The following CES5A variants were observed in gnomAD, a reference collection of about 807,000 sequenced individuals.
The protein encoded by CES5A is carboxylesterase 5A.
CES5A carries 67 observed loss-of-function variants against 62.9 expected under a neutral mutation model. That is an observed-to-expected ratio of 1.07 (90% confidence interval 0.88 to 1.31). CES5A has a LOEUF of 1.31. CES5A is among the 50% of genes most tolerant of loss of function. The pLI, the probability that CES5A is intolerant of heterozygous loss-of-function variation, is 0.00. For synonymous variants in CES5A, 296 were observed against 280.8 expected, an observed-to-expected ratio of 1.05 and a Z score of -0.54; for missense variants, 748 against 708.5, an observed-to-expected ratio of 1.06 and a Z score of -0.63.
intron 1 of CES5A, among the ~76,000 whole-genome samples, chr16:55,880,627 C>A (rs2033752033): frequency 6.6e-6 from 1 of 152,202 alleles, no homozygotes; most frequent in Non-Finnish European, 1.5e-5. Context: ...CCTAGTCAGA[C>A]AGCATCCTGT....
chr16:55,852,630 G>A (rs1348379097), intron 10 of CES5A, among the ~76,000 whole-genome samples: 1 of 152,172 alleles, frequency 6.6e-6, no homozygotes, highest in Admixed American at 6.5e-5. Flanking sequence ...AAATTATAGG[G>A]AGATGAGAAT....
intron 1 of CES5A, among the ~76,000 whole-genome samples, chr16:55,905,581 C>G (rs183252924): frequency 1.3e-5 from 2 of 152,024 alleles, no homozygotes; most frequent in East Asian, 3.9e-4. Flanking sequence ...TGGTCAGGCT[C>G]GAACTCCTGA....
intron 10 of CES5A, 51 bp from the exon 11 acceptor site, chr16:55,849,824 G>A (rs952575847): frequency 1.9e-6 from 3 of 1,587,868 alleles, no homozygotes; most frequent in Admixed American, 1.7e-5. Flanking sequence ...GGAGCAGGGG[G>A]CTGGCTCTGT....
chr16:55,895,982 C>T (rs77861366), intron 1 of CES5A, among the ~76,000 whole-genome samples: 14 of 152,252 alleles, frequency 9.2e-5, no homozygotes, highest in Admixed American at 4.6e-4. Context: ...ATGTTCAAGA[C>T]GAGTTTAGCT....
Position 55,861,400 on chromosome 16 carries a change from C to A in CES5A, c.915+12G>T, listed in dbSNP as rs1474713501. The A allele has an allele frequency of 1.3e-6, 2 of 1,574,784 alleles. No homozygotes were observed. The highest frequency in any genetic ancestry group is 8.7e-7 in the Non-Finnish European group (1 of 1,144,356). On this transcript the variant is annotated intron_variant, in intron 7 of 12. Transcript: ENST00000290567. ...GCAAGCCTGCCCCCAAAACTGCCCC[C>A]TCTGTCCTCACCTGGCTGAGGGTCA...
rs563362714 is a variant in CES5A, at chr16:55,889,285, A to G, written c.-255-15248T>C. On this transcript the variant is annotated intron_variant, in intron 1 of 12. Coordinates refer to the CES5A transcript ENST00000518005. Reference sequence around the variant, plus strand: ...TCTTCTAATGCAATTCAGTTCTGACACTATCTACCTGGAGACAGCAGCAAA... The same window carrying G: ...TCTTCTAATGCAATTCAGTTCTGACGCTATCTACCTGGAGACAGCAGCAAA... 3.3e-5 allele frequency among the ~76,000 whole-genome samples: 5 copies of G among 152,316 alleles called. No homozygotes were observed. In the South Asian group the frequency reaches 8.3e-4, roughly 25 times the overall value.
chr16:55,922,667 T>C (rs960152935), intron 1 of CES5A, among the ~76,000 whole-genome samples: 3 of 151,646 alleles, frequency 2.0e-5, no homozygotes, highest in Admixed American at 6.6e-5. Flanking sequence ...AACACTGGAG[T>C]TAAACTACAC....
chr16:55,929,867 T>C (rs1199938054), upstream of CES5A, among the ~76,000 whole-genome samples: 1 of 152,212 alleles, frequency 6.6e-6, no homozygotes, highest in African/African-American at 2.4e-5. Context: ...TCTTAAGTAC[T>C]GATTTTTGGC....
intron 2 of CES5A, among the ~76,000 whole-genome samples, chr16:55,941,584 G>C (rs1332311138): frequency 1.6e-4 from 25 of 152,036 alleles, no homozygotes; most frequent in African/African-American, 5.8e-4. Flanking sequence ...AAAAATCCCA[G>C]GAGGATTTTT....
At chr16:55,922,459 G>A (rs562969230) in intron 1 of CES5A, among the ~76,000 whole-genome samples, 15 of 151,990 alleles carry the variant, frequency 9.9e-5, no homozygotes, top group African/African-American at 2.9e-4. Context: ...AGGCCACTAC[G>A]TAATGATAAA....
At chr16:55,877,140 C>T (rs2033706370), upstream of CES5A, among the ~76,000 whole-genome samples, 1 of 152,200 alleles carries the variant, frequency 6.6e-6, no homozygotes, top group African/African-American at 2.4e-5. Context: ...GGTCCAAGCT[C>T]CCTCTGCCCT....
chr16:55,900,960 G>A (rs920634472), intron 1 of CES5A, among the ~76,000 whole-genome samples: 4 of 152,208 alleles, frequency 2.6e-5, no homozygotes, highest in Non-Finnish European at 5.9e-5. Flanking sequence ...GAAGGGGTTT[G>A]TGTGAGTCAG....
intron 1 of CES5A, among the ~76,000 whole-genome samples, chr16:55,891,258 C>T (rs996968556): frequency 2.6e-5 from 4 of 152,222 alleles, no homozygotes; most frequent in Admixed American, 6.5e-5. Flanking sequence ...CTTCCCCTCC[C>T]TTGTCCAGGT....
intron 1 of CES5A, among the ~76,000 whole-genome samples, chr16:55,887,382 CAAAAA>C (rs202239600): frequency 3.3e-5 from 3 of 91,220 alleles, no homozygotes. Flanking sequence ...GGACCAGAGG[CAAAAA>C]AAAAAAAAAA....
intron 5 of CES5A, among the ~76,000 whole-genome samples, chr16:55,865,092 G>C (rs1247856043): frequency 6.6e-6 from 1 of 152,144 alleles, no homozygotes; most frequent in African/African-American, 2.4e-5. Flanking sequence ...TGTAATCCCA[G>C]CTACTCAGGA....
At chr16:55,872,179 G>A (rs144392410) in intron 2 of CES5A, among the ~76,000 whole-genome samples, 73 of 152,264 alleles carry the variant, frequency 4.8e-4, no homozygotes, top group African/African-American at 1.7e-3. Flanking sequence ...CCCCAGATGC[G>A]CAAAGGAACA....
chr16:55,893,343 A>G (rs2033900377), intron 1 of CES5A, among the ~76,000 whole-genome samples: 2 of 152,202 alleles, frequency 1.3e-5, no homozygotes, highest in South Asian at 4.1e-4. Flanking sequence ...TCATAAAGAA[A>G]CAAGAAAATG....
intron 2 of CES5A, 43 bp from the exon 3 acceptor site, chr16:55,871,806 C>T: frequency 6.2e-7 from 1 of 1,606,914 alleles, no homozygotes; most frequent in Non-Finnish European, 8.5e-7. Flanking sequence ...AAGTTATCAG[C>T]AAACTTGCCT....
upstream of CES5A, among the ~76,000 whole-genome samples, chr16:55,878,607 CCCCATCACTGCA>C (rs2033723662): frequency 6.9e-6 from 1 of 144,386 alleles, no homozygotes; most frequent in African/African-American, 2.7e-5. Flanking sequence ...CACCACTGCA[CCCCATCACTGCA>C]CCCCACCACT....
Sources: gnomAD v4.1 joint callset for allele counts (sites outside exome capture counted in the v4.1 genomes callset) on GRCh38, gnomAD v4.1.1 for gene constraint, MANE v1.5 for transcripts, NCBI Gene and HGNC (gene_info 2026-07-23, HGNC 2026-07-21) for gene names.